Variants in STK10 observed in about 807,000 individuals in gnomAD.
The protein encoded by STK10 is serine/threonine-protein kinase 10.
In STK10, 78 loss-of-function variants were observed where a neutral mutation model predicts 113.8. That is an observed-to-expected ratio of 0.69 (90% CI 0.57 to 0.83). The LOEUF (loss-of-function observed/expected upper bound fraction) is 0.83. Ranked by LOEUF, STK10 falls within the 40% of genes least tolerant of loss-of-function variation. The pLI is 0.00. For synonymous variants in STK10, 465 were observed against 494.7 expected (o/e 0.94, Z 0.80); for missense variants, 1,109 against 1,280.1 (o/e 0.87, Z 2.04).
Position 172,054,561 on chromosome 5 carries a change from G to T in STK10, c.2652+8C>A. 6.2e-7 allele frequency: 1 copy of T among 1,603,856 alleles called. No individual in the cohort carries two copies. On this transcript the variant is annotated splice_region_variant and intron_variant, in intron 17 of 18. Transcript: ENST00000176763. ...TGGGGGCAGGGGCAGGGGCAGGCAGGGCGGTACCTGCAGCTGCTGCAGCTC... is the reference window on the plus strand; with the variant it reads ...TGGGGGCAGGGGCAGGGGCAGGCAGTGCGGTACCTGCAGCTGCTGCAGCTC...
At chr5:172,046,665 C>A (rs1038023458) in intron 18 of STK10, among the ~76,000 whole-genome samples, 1 of 152,150 alleles carries the variant, frequency 6.6e-6, no homozygotes, top group African/African-American at 2.4e-5. Flanking sequence ...CCAGAGTCAG[C>A]GATCTTTTTT....
At chr5:172,129,796 G>T (rs778218276) in intron 2 of STK10, among the ~76,000 whole-genome samples, 33 of 152,240 alleles carry the variant, frequency 2.2e-4, no homozygotes, top group Non-Finnish European at 4.4e-4. Context: ...GCAAAACTCA[G>T]TGACCATGCA....
rs145911212 is a variant in STK10, at chr5:172,095,201, A to C, written c.1005+1225T>G. Among the ~76,000 whole-genome samples, 438 of 152,320 alleles carry C rather than the reference A, an allele frequency of 2.9e-3. 3 individuals are homozygous for C. Among genetic ancestry groups the C allele is most frequent in the African/African-American group, 9.7e-3 (403 of 41,556 alleles). ...TTGCCAGCCACCGGTTTTTAACCTC[A>C]GCTATGGCAGCTGGTGGAAGCAACT... is the stretch of plus-strand genomic sequence containing the variant. On this transcript the variant is annotated intron_variant, in intron 8 of 18. Transcript: ENST00000176763.
chr5:172,143,192 C>T (rs1356606020), intron 2 of STK10, among the ~76,000 whole-genome samples: 1 of 152,154 alleles, frequency 6.6e-6, no homozygotes, highest in Non-Finnish European at 1.5e-5. Flanking sequence ...AAGGCCAAAC[C>T]CTGTCTCTAG....
intron 17 of STK10, 67 bp downstream of exon 17, chr5:172,054,502 G>GCAGGGA: frequency 1.3e-6 from 2 of 1,576,822 alleles, no homozygotes; most frequent in Non-Finnish European, 1.7e-6. Context: ...CTGGCCCCCT[G>GCAGGGA]AGATCTGATG....
At chr5:172,143,282 C>T (rs1390351826) in intron 2 of STK10, among the ~76,000 whole-genome samples, 1 of 152,158 alleles carries the variant, frequency 6.6e-6, no homozygotes, top group Non-Finnish European at 1.5e-5. Flanking sequence ...AGGAGAATAG[C>T]TTGAACCGGG....
intron 7 of STK10, among the ~76,000 whole-genome samples, chr5:172,104,473 C>A (rs1769057184): frequency 6.6e-6 from 1 of 152,198 alleles, no homozygotes; most frequent in African/African-American, 2.4e-5. Context: ...ATCCACCTGC[C>A]CATTCTAAGG....
chr5:172,163,377 A>C (rs1770505409), intron 1 of STK10, among the ~76,000 whole-genome samples: 1 of 152,144 alleles, frequency 6.6e-6, no homozygotes, highest in African/African-American at 2.4e-5. Context: ...ACCTTTCCTG[A>C]TGACTGTCCA....
Position 172,076,500 on chromosome 5 carries a change from A to AGTTGTGGGGGCGTCCTGTGCATTT in STK10, c.1989+5825_1989+5826insAAATGCACAGGACGCCCCCACAAC, listed in dbSNP as rs1554117113. On this transcript the variant is annotated intron_variant, in intron 12 of 18. Transcript: ENST00000176763. ...TAGTTGTGGGGGCGTCCTGTGCGTT[A>AGTTGTGGGGGCGTCCTGTGCATTT]GTTGTGGGGGCGTCCTGTGCATTAT... 9.3e-4 allele frequency among the ~76,000 whole-genome samples: 88 copies of AGTTGTGGGGGCGTCCTGTGCATTT among 94,428 alleles called. 2 individuals are homozygous for AGTTGTGGGGGCGTCCTGTGCATTT. Among genetic ancestry groups the AGTTGTGGGGGCGTCCTGTGCATTT allele is most frequent in the African/African-American group, 4.8e-3 (84 of 17,574 alleles). 61.9% of individuals were successfully genotyped at this position (94,428 alleles called of 152,430 possible).
In STK10 at chr5:172,140,324, C is replaced by T. The variant is rs1349396883; in HGVS notation, c.322-12903G>A. ...TGATGAGGATGTGGAGAAAAGGGAG[C>T]ACTTGCACACTGTTGGTGGGTATAC... On this transcript the variant is annotated intron_variant, in intron 2 of 18. Coordinates refer to ENST00000176763, the MANE Select transcript of STK10 (RefSeq NM_005990.4). Among the ~76,000 whole-genome samples, 6 of 152,198 alleles carry T rather than the reference C, an allele frequency of 3.9e-5. No individual in the cohort carries two copies. The East Asian group carries it at 9.6e-4, about 24-fold the overall frequency.
intron 1 of STK10, among the ~76,000 whole-genome samples, chr5:172,181,486 AT>A (rs557756323): frequency 0.21 from 30,088 of 144,140 alleles, 3,601 homozygotes; most frequent in African/African-American, 0.36. Context: ...ATTTATTTTA[AT>A]TTTTTTTTTT....
At chr5:172,096,340 GC>G in intron 8 of STK10, 85 bp downstream of exon 8, 1 of 1,571,338 alleles carries the variant, frequency 6.4e-7, no homozygotes, top group Non-Finnish European at 8.6e-7. Context: ...CAGAGTCCTG[GC>G]CTTCCCTGCC....
At chr5:172,101,401 G>T (rs1190807055) in intron 7 of STK10, among the ~76,000 whole-genome samples, 1 of 151,722 alleles carries the variant, frequency 6.6e-6, no homozygotes, top group Non-Finnish European at 1.5e-5. Flanking sequence ...AACCCAGGGG[G>T]TGGAGGCTGC....
At chr5:172,066,525 G>A (rs1482091003) in intron 12 of STK10, among the ~76,000 whole-genome samples, 2 of 152,144 alleles carry the variant, frequency 1.3e-5, no homozygotes, top group African/African-American at 4.8e-5. Flanking sequence ...AGTGGCTCAC[G>A]CCTGTAATCC....
In STK10 at chr5:172,083,049, T is replaced by G; in HGVS notation, c.1721A>C (p.Lys574Thr). ...QELRELRLLQKEEHRNQTQLS... is the reference protein window; with the variant it reads ...QELRELRLLQTEEHRNQTQLS... ...CTGGGTCTGGTTCCGATGCTCTTCT[T>G]TCTGGAGCAGCCGAAGCTCTCGGAG... is the stretch of plus-strand genomic sequence containing the variant. Residue 574 changes from lysine to threonine, a missense_variant, in exon 11 of 19, where the codon AAA becomes ACA. This residue lies in a region of STK10 where 885 missense variants were observed against 991.1 expected (regional missense o/e 0.89). Transcript: ENST00000176763. 1.2e-6 allele frequency: 2 copies of G among 1,614,164 alleles called. No individual in the cohort carries two copies. Among genetic ancestry groups the G allele is most frequent in the Non-Finnish European group, 1.7e-6 (2 of 1,180,032 alleles).
chr5:172,107,908 G>A lies in STK10; in HGVS notation c.521-56C>T, dbSNP rs116350301. 2.2e-4 allele frequency: 339 copies of A among 1,528,170 alleles called. 1 individual carries two copies. In the African/African-American group the frequency reaches 4.0e-3, roughly 18 times the overall value. The allele number at this position is 1,528,170 out of a possible 1,614,324, so 94.7% of individuals were successfully genotyped here. A position where few individuals can be genotyped will look rare whatever the true frequency, so the allele number is the denominator to read the frequency against. On this transcript the variant is annotated intron_variant, in intron 4 of 18. Coordinates refer to ENST00000176763, the MANE Select transcript of STK10 (RefSeq NM_005990.4). ...CACCCATAGCCCTGGGGTAAAAGCC[G>A]GGGATGTGGACTCAGGGGTACACAT...
intron 18 of STK10, among the ~76,000 whole-genome samples, chr5:172,051,937 A>G (rs563293340): frequency 1.3e-5 from 2 of 152,338 alleles, no homozygotes; most frequent in South Asian, 4.1e-4. Context: ...AGGGCAGTAA[A>G]GAAAGATGTG....
At chr5:172,175,509 C>T (rs1770742890) in intron 1 of STK10, among the ~76,000 whole-genome samples, 1 of 152,124 alleles carries the variant, frequency 6.6e-6, no homozygotes, top group African/African-American at 2.4e-5. Context: ...ACCAGGGTGC[C>T]AGGAGGGGCC....
intron 4 of STK10, among the ~76,000 whole-genome samples, chr5:172,110,925 C>T (rs779624106): frequency 2.0e-5 from 3 of 152,160 alleles, no homozygotes; most frequent in Non-Finnish European, 2.9e-5. Flanking sequence ...TAAGACCCCC[C>T]GGCACCTCCT....
Sources: gnomAD v4.1 joint callset for allele counts (sites outside exome capture counted in the v4.1 genomes callset) on GRCh38, gnomAD v4.1.1 for gene constraint, gnomAD v4.1.1 regional missense constraint, MANE v1.5 for transcripts, NCBI Gene and HGNC (gene_info 2026-07-23, HGNC 2026-07-21) for gene names.